Variants in NDEL1 observed in about 807,000 individuals in gnomAD.
NDEL1 encodes nudE neurodevelopment protein 1 like 1, also known as nuclear distribution protein nudE-like 1.
Under a neutral mutation model 45.7 loss-of-function variants are expected in NDEL1, and 9 were observed. That is an observed-to-expected ratio of 0.20 (90% CI 0.12 to 0.34). NDEL1 has a LOEUF of 0.34. NDEL1 is among the 10% of genes least tolerant of loss of function. The pLI is 1.00. For synonymous variants in NDEL1, 133 were observed against 158.6 expected (o/e 0.84, Z 1.21); for missense variants, 306 against 406.2 (o/e 0.75, Z 2.12).
chr17:8,466,912 C>T lies in NDEL1; in HGVS notation c.945-18C>T, dbSNP rs773004807. 3 of 1,611,832 alleles carry T rather than the reference C, an allele frequency of 1.9e-6. No individual in the cohort carries two copies. Among genetic ancestry groups the T allele is most frequent in the South Asian group, 2.2e-5 (2 of 91,042 alleles). On this transcript the variant is annotated intron_variant, in intron 8 of 8. Coordinates refer to ENST00000334527, the MANE Select transcript of NDEL1 (RefSeq NM_030808.5). Reference sequence around the variant, plus strand: ...CGTTTCCCCTTTCTTCCCTTCTGTGCTCTGGTTGCTCCCACAGGGCAGTAA... The same window carrying T: ...CGTTTCCCCTTTCTTCCCTTCTGTGTTCTGGTTGCTCCCACAGGGCAGTAA...
At chr17:8,448,797 C>T in intron 5 of NDEL1, 111 bp downstream of exon 5, 2 of 1,116,830 alleles carry the variant, frequency 1.8e-6, no homozygotes, top group Non-Finnish European at 2.5e-6. Context: ...ATTGAAAATA[C>T]AGTATTCACG....
rs902184250 is a variant in NDEL1, at chr17:8,444,321, C to CT, written c.52dup (p.Tyr18LeufsTer10). The CT allele has an allele frequency of 6.2e-7, 1 of 1,613,076 alleles. No individual in the cohort carries two copies. ...TTTTCAAGTTTAAAGGAGGAAACTG[C>CT]TTATTGGAAGGAACTTTCCTTGAAG... On this transcript the variant is annotated frameshift_variant, in exon 2 of 9. Transcript: ENST00000334527. LOFTEE classifies it high-confidence loss of function.
chr17:8,449,528 T>G (rs911267395), intron 5 of NDEL1, among the ~76,000 whole-genome samples: 3 of 152,220 alleles, frequency 2.0e-5, no homozygotes, highest in Admixed American at 2.0e-4. Flanking sequence ...AAACTGAAAC[T>G]ATACCTATTG....
chr17:8,454,424 G>T (rs1384807796), intron 6 of NDEL1, among the ~76,000 whole-genome samples: 2 of 151,868 alleles, frequency 1.3e-5, no homozygotes, highest in Non-Finnish European at 2.9e-5. Context: ...GGGCACCACC[G>T]CATAGATTGC....
chr17:8,425,573 C>T (rs1345809741), intron 1 of NDEL1, among the ~76,000 whole-genome samples: 1 of 134,084 alleles, frequency 7.5e-6, no homozygotes, highest in Non-Finnish European at 1.6e-5. Flanking sequence ...CAGAGTGAGA[C>T]CTTGTCTCAA....
intron 6 of NDEL1, 28 bp downstream of exon 6, chr17:8,450,981 G>T: frequency 6.3e-7 from 1 of 1,590,764 alleles, no homozygotes. Flanking sequence ...TTTTTGAGGC[G>T]ATGTGTTAGA....
chr17:8,421,672 A>G (rs983156455), intron 1 of NDEL1, among the ~76,000 whole-genome samples: 15 of 152,236 alleles, frequency 9.9e-5, no homozygotes, highest in African/African-American at 3.1e-4. Context: ...TGTGGTAATT[A>G]TAGCAGCCAC....
chr17:8,428,323 GGTGT>G (rs61341198), intron 1 of NDEL1, among the ~76,000 whole-genome samples: 626 of 61,970 alleles, frequency 0.01, 1 homozygote, highest in African/African-American at 0.035. Context: ...AAGTGTGTGT[GGTGT>G]GTGTGTGTGT....
At position 8,447,982 on chromosome 17, in the gene NDEL1, CGG is replaced by C. The variant is rs34891973; in HGVS notation, c.390-559_390-558del. Among the ~76,000 whole-genome samples, 853 of 107,794 alleles carry C rather than the reference CGG, an allele frequency of 7.9e-3. 3 individuals are homozygous for C. Among genetic ancestry groups the C allele is most frequent in the Non-Finnish European group, 0.013 (672 of 51,672 alleles). The allele number at this position is 107,794 out of a possible 152,430, so 70.7% of individuals were successfully genotyped here. A position where few individuals can be genotyped will look rare whatever the true frequency, so the allele number is the denominator to read the frequency against. ...GCCAGATTGGTTGCGGGGAGGTGGG[CGG>C]GGGGGGGGCAGTGGGGGAACCAATC... On this transcript the variant is annotated intron_variant, in intron 4 of 8. Coordinates refer to ENST00000334527, the MANE Select transcript of NDEL1 (RefSeq NM_030808.5).
intron 4 of NDEL1, among the ~76,000 whole-genome samples, chr17:8,447,984 G>C (rs898033537): frequency 2.0e-4 from 4 of 20,222 alleles, no homozygotes; most frequent in South Asian, 2.3e-3. Context: ...GAGGTGGGCG[G>C]GGGGGGGGCA....
intron 1 of NDEL1, among the ~76,000 whole-genome samples, chr17:8,416,310 C>A (rs1908544681): frequency 6.6e-6 from 1 of 152,170 alleles, no homozygotes; most frequent in African/African-American, 2.4e-5. Flanking sequence ...ATGGATCTCA[C>A]ATTTTCCCCT....
intron 1 of NDEL1, among the ~76,000 whole-genome samples, chr17:8,413,795 C>G (rs780191472): frequency 1.3e-5 from 2 of 152,158 alleles, no homozygotes; most frequent in Non-Finnish European, 2.9e-5. Flanking sequence ...TGTTTGTAAA[C>G]TTAAGCAGAA....
chr17:8,428,964 CGCCCG>C (rs2151698509), intron 1 of NDEL1, among the ~76,000 whole-genome samples: 1 of 152,320 alleles, frequency 6.6e-6, no homozygotes, highest in South Asian at 2.1e-4. Flanking sequence ...TGAGCCACCG[CGCCCG>C]GCCTATTTTT....
rs928671884 is a variant in NDEL1 at position 8,435,918 on chromosome 17, A to G, written c.-140A>G. On this transcript the variant is annotated 5_prime_UTR_variant, in exon 1 of 9. Transcript: ENST00000334527. ...CGTGTCGGGGAGGAGCCGGGCGCGG[A>G]GGTACGCTGAGTGGAGCTCGGGGCT... The G allele has an allele frequency of 2.2e-6, 1 of 447,570 alleles. No homozygotes were observed. The highest frequency in any genetic ancestry group is 4.5e-6 in the Non-Finnish European group (1 of 223,026). 27.7% of individuals were successfully genotyped at this position (447,570 alleles called of 1,614,324 possible).
At chr17:8,423,763 G>A (rs1908758451) in intron 1 of NDEL1, among the ~76,000 whole-genome samples, 1 of 152,152 alleles carries the variant, frequency 6.6e-6, no homozygotes, top group Non-Finnish European at 1.5e-5. Context: ...ACTAATTAGG[G>A]AGTCATAGCA....
chr17:8,414,586 G>A (rs1418275876), intron 1 of NDEL1, among the ~76,000 whole-genome samples: 1 of 152,128 alleles, frequency 6.6e-6, no homozygotes, highest in Non-Finnish European at 1.5e-5. Flanking sequence ...AGAATGGTGT[G>A]AACTTGGGAG....
upstream of NDEL1, chr17:8,431,875 C>A (rs1456025974): frequency 4.5e-5 from 1 of 22,462 alleles, no homozygotes; most frequent in South Asian, 3.8e-3. Context: ...GGTCAAGACA[C>A]CTTTTTTTTT....
At chr17:8,456,860 C>T (rs186564910) in intron 7 of NDEL1, among the ~76,000 whole-genome samples, 60 of 152,278 alleles carry the variant, frequency 3.9e-4, no homozygotes, top group Admixed American at 2.8e-3. Flanking sequence ...ACTCCCACTC[C>T]GCTTTCCTTT....
chr17:8,428,582 C>T (rs1908910032), intron 1 of NDEL1, among the ~76,000 whole-genome samples: 1 of 151,466 alleles, frequency 6.6e-6, no homozygotes, highest in Admixed American at 6.6e-5. Flanking sequence ...CCAGGCTGGT[C>T]TCGAACTCCT....
Sources: gnomAD v4.1 joint callset for allele counts (sites outside exome capture counted in the v4.1 genomes callset) on GRCh38, gnomAD v4.1.1 for gene constraint, MANE v1.5 for transcripts, NCBI Gene and HGNC (gene_info 2026-07-23, HGNC 2026-07-21) for gene names.